The following CDH13 variants were observed in gnomAD, a reference collection of about 807,000 sequenced individuals.
CDH13 encodes the protein cadherin-13.
In CDH13, 24 loss-of-function variants were observed where a neutral mutation model predicts 63.8. That is an observed-to-expected ratio of 0.38 (90% CI 0.27 to 0.53). The LOEUF (loss-of-function observed/expected upper bound fraction) is 0.53, where lower values mean the gene tolerates loss of function less well. Among genes scored for constraint, CDH13 ranks in the 20% least tolerant of loss-of-function variants. The pLI, the probability that CDH13 is intolerant of heterozygous loss-of-function variation, is 0.85. For synonymous variants in CDH13, 503 were observed against 355.3 expected (o/e 1.42, Z -4.67); for missense variants, 1,049 against 903.1 (o/e 1.16, Z -2.07).
chr16:83,736,563 C>T (rs1911555475), intron 10 of CDH13, among the ~76,000 whole-genome samples: 2 of 151,492 alleles, frequency 1.3e-5, no homozygotes, highest in Admixed American at 1.3e-4. Context: ...ATATAAATGT[C>T]TTTGCAAAGA....
intron 5 of CDH13, among the ~76,000 whole-genome samples, chr16:83,323,165 C>T (rs538806503): frequency 1.6e-3 from 5 of 3,062 alleles, no homozygotes; most frequent in South Asian, 0.05. Context: ...TTCTTTCTTT[C>T]TCTTTCTTTT....
intron 5 of CDH13, among the ~76,000 whole-genome samples, chr16:83,324,380 C>T (rs986875615): frequency 3.3e-5 from 5 of 152,174 alleles, no homozygotes; most frequent in African/African-American, 1.2e-4. Context: ...AAAGAAACCC[C>T]ATCACTCTTG....
At chr16:83,432,261 A>C (rs974765943) in intron 6 of CDH13, among the ~76,000 whole-genome samples, 1 of 152,218 alleles carries the variant, frequency 6.6e-6, no homozygotes, top group Non-Finnish European at 1.5e-5. Flanking sequence ...CTGCTGGGAC[A>C]CCATGGATCC....
chr16:83,463,234 A>G (rs1463825740), intron 6 of CDH13, among the ~76,000 whole-genome samples: 2 of 152,222 alleles, frequency 1.3e-5, no homozygotes, highest in Non-Finnish European at 2.9e-5. Flanking sequence ...TAGCACAGCC[A>G]GCTGGTGAAA....
At chr16:82,833,402 C>T (rs570084787) in intron 1 of CDH13, among the ~76,000 whole-genome samples, 56 of 152,264 alleles carry the variant, frequency 3.7e-4, no homozygotes, top group Non-Finnish European at 5.3e-4. Context: ...TAAATTGTGG[C>T]GTGGGGACTC....
chr16:83,549,567 A>G (rs2075452154), intron 7 of CDH13, among the ~76,000 whole-genome samples: 1 of 151,826 alleles, frequency 6.6e-6, no homozygotes, highest in Admixed American at 6.6e-5. Flanking sequence ...ATATTCCAGC[A>G]TAGAGCACTC....
At chr16:83,426,227 G>A (rs991015896) in intron 6 of CDH13, among the ~76,000 whole-genome samples, 1 of 152,272 alleles carries the variant, frequency 6.6e-6, no homozygotes, top group Non-Finnish European at 1.5e-5. Context: ...CTAATGCATT[G>A]AGATTCTAGG....
chr16:83,542,706 A>G lies in CDH13; in HGVS notation c.960+56051A>G, dbSNP rs556715375. Reference sequence around the variant, plus strand: ...ACCCTTGGAGCTCTTTGGCTTGCAGAAGCATCCACCACTCCAGTCCTCTGT... The same window carrying G: ...ACCCTTGGAGCTCTTTGGCTTGCAGGAGCATCCACCACTCCAGTCCTCTGT... On this transcript the variant is annotated intron_variant, in intron 7 of 13. Coordinates refer to ENST00000567109, the MANE Select transcript of CDH13 (RefSeq NM_001257.5). 3.9e-5 allele frequency among the ~76,000 whole-genome samples: 6 copies of G among 152,256 alleles called. 1 individual carries two copies. The highest frequency in any genetic ancestry group is 1.4e-4 in the African/African-American group (6 of 41,548).
intron 3 of CDH13, among the ~76,000 whole-genome samples, chr16:83,035,403 A>G (rs759709220): frequency 2.6e-5 from 4 of 152,168 alleles, no homozygotes; most frequent in Non-Finnish European, 5.9e-5. Flanking sequence ...AGCACCAACC[A>G]TGTGCCAGGT....
At chr16:83,109,967 T>C (rs879679764) in intron 3 of CDH13, among the ~76,000 whole-genome samples, 10 of 152,244 alleles carry the variant, frequency 6.6e-5, no homozygotes, top group African/African-American at 1.9e-4. Flanking sequence ...CAATTGCATC[T>C]TGGAAGTGTG....
At chr16:83,245,558 A>G (rs925703940) in intron 5 of CDH13, among the ~76,000 whole-genome samples, 1 of 152,142 alleles carries the variant, frequency 6.6e-6, no homozygotes, top group Non-Finnish European at 1.5e-5. Context: ...GTCTTTACAC[A>G]CCTGTAGTGA....
intron 1 of CDH13, among the ~76,000 whole-genome samples, chr16:82,688,174 C>T (rs1024328479): frequency 1.3e-5 from 2 of 152,140 alleles, no homozygotes; most frequent in South Asian, 2.1e-4. Context: ...CTCAAGTGAA[C>T]CAGCCAAGAG....
chr16:82,674,086 G>A (rs1398768683), intron 1 of CDH13, among the ~76,000 whole-genome samples: 5 of 152,292 alleles, frequency 3.3e-5, no homozygotes, highest in South Asian at 2.1e-4. Context: ...ATTTAAGAAC[G>A]TACATTTGAA....
intron 1 of CDH13, among the ~76,000 whole-genome samples, chr16:82,754,886 G>A (rs192723137): frequency 6.6e-6 from 1 of 152,168 alleles, no homozygotes; most frequent in African/African-American, 2.4e-5. Flanking sequence ...GCATAGAAAG[G>A]TATTTTTGGT....
chr16:83,125,444 A>G lies in CDH13; in HGVS notation c.426A>G (p.Val142=). 6.2e-7 allele frequency: 1 copy of G among 1,612,682 alleles called. No individual in the cohort carries two copies. The highest frequency in any genetic ancestry group is 8.5e-7 in the Non-Finnish European group (1 of 1,178,712). The part of the protein sequence containing the change: ...PVPRQKRSIV[V]SPILIPENQR... ...CAAGACAAAAGAGGTCCATTGTGGT[A>G]TCTCCCATTTTAATTCCAGAGAATC... The change falls in exon 4 of 14, where the codon GTA becomes GTG. Residue 142 remains valine, a synonymous_variant. Transcript: ENST00000567109.
At chr16:83,587,811 G>C (rs549193756) in intron 7 of CDH13, among the ~76,000 whole-genome samples, 4 of 152,116 alleles carry the variant, frequency 2.6e-5, no homozygotes, top group Non-Finnish European at 5.9e-5. Flanking sequence ...ATTTGCTTTC[G>C]GAGAGTGCTT....
chr16:83,618,522 A>C (rs186972787), intron 8 of CDH13, among the ~76,000 whole-genome samples: 2 of 152,214 alleles, frequency 1.3e-5, no homozygotes, highest in African/African-American at 4.8e-5. Flanking sequence ...CAGATCCCAG[A>C]CCAACCTCAC....
At chr16:83,489,790 G>T (rs117315906) in intron 7 of CDH13, among the ~76,000 whole-genome samples, 1 of 152,192 alleles carries the variant, frequency 6.6e-6, no homozygotes, top group Non-Finnish European at 1.5e-5. Context: ...TTCTCAGCCA[G>T]ATGGGCAGAA....
intron 5 of CDH13, among the ~76,000 whole-genome samples, chr16:83,227,902 G>A (rs2039890324): frequency 6.6e-6 from 1 of 152,194 alleles, no homozygotes; most frequent in Non-Finnish European, 1.5e-5. Flanking sequence ...GGATACAGCA[G>A]CAAACAACCA....
Sources: gnomAD v4.1 joint callset for allele counts (sites outside exome capture counted in the v4.1 genomes callset) on GRCh38, gnomAD v4.1.1 for gene constraint, MANE v1.5 for transcripts, NCBI Gene and HGNC (gene_info 2026-07-23, HGNC 2026-07-21) for gene names.